Variants in ZNF875 observed in about 807,000 individuals in gnomAD.
ZNF875 encodes the protein HKR1, GLI-Kruppel zinc finger family member.
A neutral mutation model predicts 11.2 loss-of-function variants in ZNF875; 14 were observed. That is an observed-to-expected ratio of 1.26 (90% CI 0.83 to 1.96). The LOEUF is 1.96. ZNF875 is among the 30% of genes most tolerant of loss of function. The probability of loss-of-function intolerance (pLI) is 0.00; values close to 1 mark genes in which losing one functional copy is unlikely to be tolerated. For synonymous variants in ZNF875, 301 were observed against 281.1 expected (o/e 1.07, Z -0.71); for missense variants, 752 against 760.4 (o/e 0.99, Z 0.13).
chr19:37,330,024 TG>T (rs2033134512), upstream of ZNF875, among the ~76,000 whole-genome samples: 1 of 152,218 alleles, frequency 6.6e-6, no homozygotes, highest in Non-Finnish European at 1.5e-5. Context: ...GACTGTTTGC[TG>T]TGTTTATTGA....
intron 4 of ZNF875, among the ~76,000 whole-genome samples, chr19:37,348,400 C>T (rs1008325650): frequency 1.3e-5 from 2 of 152,192 alleles, no homozygotes; most frequent in Non-Finnish European, 2.9e-5. Context: ...CTACCCATCC[C>T]TCCAATGGAA....
intron 4 of ZNF875, among the ~76,000 whole-genome samples, chr19:37,357,015 G>A (rs896077617): frequency 6.6e-6 from 1 of 152,044 alleles, no homozygotes; most frequent in African/African-American, 2.4e-5. Context: ...GAGGGGGAAG[G>A]GTCCAGTTTC....
chr19:37,357,609 T>C (rs1352108229), intron 4 of ZNF875, among the ~76,000 whole-genome samples: 1 of 152,170 alleles, frequency 6.6e-6, no homozygotes, highest in African/African-American at 2.4e-5. Context: ...CTATTGTAAA[T>C]GGGATCTTGT....
upstream of ZNF875, chr19:37,312,923 T>C: frequency 6.6e-6 from 1 of 151,356 alleles, no homozygotes; most frequent in Non-Finnish European, 1.5e-5. Context: ...TTCTTCCGGC[T>C]GTGACAAATC....
chr19:37,342,023 T>G (rs1280424252), intron 2 of ZNF875, among the ~76,000 whole-genome samples: 1 of 152,232 alleles, frequency 6.6e-6, no homozygotes, highest in South Asian at 2.1e-4. Flanking sequence ...TTGGGACTGC[T>G]CTATTAAACA....
intron 4 of ZNF875, among the ~76,000 whole-genome samples, chr19:37,356,683 T>C (rs1267557250): frequency 6.6e-6 from 1 of 152,190 alleles, no homozygotes; most frequent in Non-Finnish European, 1.5e-5. Flanking sequence ...ATTTGGGTTT[T>C]TGTTGTTGAT....
intron 2 of ZNF875, among the ~76,000 whole-genome samples, chr19:37,344,084 T>C (rs2036300332): frequency 6.6e-6 from 1 of 152,130 alleles, no homozygotes; most frequent in Non-Finnish European, 1.5e-5. Context: ...ATAGCAACTT[T>C]GTTTAATTCT....
intron 4 of ZNF875, among the ~76,000 whole-genome samples, chr19:37,327,730 C>T (rs1203348300): frequency 6.9e-6 from 1 of 144,382 alleles, no homozygotes. Context: ...TGCCACTTCA[C>T]TCCAGCCTGG....
At position 37,363,600 on chromosome 19, in the gene ZNF875, CA is replaced by C. The variant is rs1408231334; in HGVS notation, c.1749del (p.Lys586SerfsTer91). 5 of 1,613,894 alleles carry C rather than the reference CA, an allele frequency of 3.1e-6. No homozygotes were observed. Among genetic ancestry groups the C allele is most frequent in the East Asian group, 2.2e-5 (1 of 44,854 alleles). On this transcript the variant is annotated frameshift_variant, in exon 5 of 5. Coordinates refer to ENST00000392153, the MANE Select transcript of ZNF875 (RefSeq NM_001353803.2). LOFTEE classifies it low-confidence loss of function (END_TRUNC). ...LTLIKHQRAHAGGKPHVCREC... is the reference protein window; with the variant it reads ...LTLIKHQRAHXGGKPHVCREC... ...CTCATTAAACACCAGAGAGCACACG[CA>C]GGGGGGAAGCCTCATGTGTGCAGGG...
intron 4 of ZNF875, among the ~76,000 whole-genome samples, chr19:37,356,911 C>T (rs2039008298): frequency 6.6e-6 from 1 of 152,110 alleles, no homozygotes; most frequent in South Asian, 2.1e-4. Context: ...TGGCCAATGT[C>T]CAGAGAAGTT....
chr19:37,347,681 A>T, intron 3 of ZNF875, 96 bp from the exon 4 acceptor site: 4 of 769,968 alleles, frequency 5.2e-6, no homozygotes, highest in Middle Eastern at 2.3e-4. Flanking sequence ...GGTCTTTTTT[A>T]TCCTCTGGGT....
At chr19:37,350,675 C>G (rs1377782649) in intron 4 of ZNF875, among the ~76,000 whole-genome samples, 1 of 151,732 alleles carries the variant, frequency 6.6e-6, no homozygotes, top group Admixed American at 6.6e-5. Context: ...ATGTAGCCAC[C>G]ATCACCACAA....
chr19:37,335,844 T>G (rs1374312564), intron 2 of ZNF875, among the ~76,000 whole-genome samples: 2 of 152,054 alleles, frequency 1.3e-5, no homozygotes, highest in African/African-American at 2.4e-5. Context: ...GAATGCTGAG[T>G]TGGTCACAAT....
At chr19:37,318,683 C>T (rs2030601445) in intron 1 of ZNF875, among the ~76,000 whole-genome samples, 1 of 151,596 alleles carries the variant, frequency 6.6e-6, no homozygotes, top group Non-Finnish European at 1.5e-5. Flanking sequence ...CACCACGTCC[C>T]GCTAATTTTT....
upstream of ZNF875, among the ~76,000 whole-genome samples, chr19:37,331,682 T>C (rs1280600254): frequency 1.3e-5 from 2 of 148,418 alleles, no homozygotes; most frequent in Non-Finnish European, 3.0e-5. Context: ...ACACAAAAAC[T>C]GCAGAAGGCC....
chr19:37,348,130 C>T (rs1365451874), intron 4 of ZNF875, among the ~76,000 whole-genome samples: 2 of 152,212 alleles, frequency 1.3e-5, no homozygotes, highest in African/African-American at 4.8e-5. Flanking sequence ...TCCTCATTCA[C>T]TGTCTTCTTT....
upstream of ZNF875, among the ~76,000 whole-genome samples, chr19:37,330,521 G>A (rs1166009431): frequency 6.6e-6 from 1 of 152,006 alleles, no homozygotes; most frequent in African/African-American, 2.4e-5. Flanking sequence ...ATCCCCATAA[G>A]CCCCCATCTC....
intron 4 of ZNF875, among the ~76,000 whole-genome samples, chr19:37,351,904 A>G (rs1321984021): frequency 1.3e-5 from 2 of 152,212 alleles, no homozygotes; most frequent in Non-Finnish European, 2.9e-5. Flanking sequence ...TGAGGGTACT[A>G]TCCTATAAAT....
intron 2 of ZNF875, among the ~76,000 whole-genome samples, chr19:37,342,132 G>A (rs576802381): frequency 3.9e-5 from 6 of 152,300 alleles, no homozygotes; most frequent in South Asian, 4.1e-4. Flanking sequence ...TTTGTCCAGC[G>A]TGGAGACTCC....
Sources: gnomAD v4.1 joint callset for allele counts (sites outside exome capture counted in the v4.1 genomes callset) on GRCh38, gnomAD v4.1.1 for gene constraint, MANE v1.5 for transcripts, NCBI Gene and HGNC (gene_info 2026-07-23, HGNC 2026-07-21) for gene names.